Variants in HMBOX1 observed in about 807,000 individuals in gnomAD.
HMBOX1 encodes the protein homeobox containing 1.
HMBOX1 carries 14 observed loss-of-function variants against 54.5 expected under a neutral mutation model. That is an observed-to-expected ratio of 0.26 (90% confidence interval 0.17 to 0.40). The LOEUF (loss-of-function observed/expected upper bound fraction) is 0.40. Among genes scored for constraint, HMBOX1 ranks in the 10% least tolerant of loss-of-function variants. The pLI is 1.00. For synonymous variants in HMBOX1, 160 were observed against 181.0 expected (o/e 0.88, Z 0.93); for missense variants, 332 against 514.4 (o/e 0.65, Z 3.43).
chr8:29,020,294 G>C (rs1800965069), intron 6 of HMBOX1, among the ~76,000 whole-genome samples: 1 of 152,108 alleles, frequency 6.6e-6, no homozygotes, highest in Admixed American at 6.5e-5. Flanking sequence ...GACTTAGCCA[G>C]TTAGTTTTTT....
chr8:29,002,096 T>A (rs1181875024), intron 4 of HMBOX1, among the ~76,000 whole-genome samples: 1 of 152,054 alleles, frequency 6.6e-6, no homozygotes, highest in African/African-American at 2.4e-5. Context: ...CTTAGATAGG[T>A]TGTTTTGGTT....
At chr8:29,006,246 G>A (rs1296799662) in intron 4 of HMBOX1, among the ~76,000 whole-genome samples, 1 of 152,074 alleles carries the variant, frequency 6.6e-6, no homozygotes, top group Non-Finnish European at 1.5e-5. Context: ...ACCCACCTCT[G>A]CCTCCCAAAG....
At chr8:28,961,360 A>C (rs973606302) in intron 1 of HMBOX1, among the ~76,000 whole-genome samples, 1 of 151,948 alleles carries the variant, frequency 6.6e-6, no homozygotes, top group East Asian at 1.9e-4. Context: ...TTAAATAATA[A>C]CTTCTCATTA....
At chr8:28,915,739 CCA>C (rs1202992721) in intron 1 of HMBOX1, 5 of 151,738 alleles carry the variant, frequency 3.3e-5, no homozygotes, top group African/African-American at 9.7e-5. Context: ...CATATTGATG[CCA>C]TACTTAGTGG....
chr8:28,952,361 G>A (rs1397580223), intron 1 of HMBOX1, among the ~76,000 whole-genome samples: 2 of 151,954 alleles, frequency 1.3e-5, no homozygotes, highest in African/African-American at 4.8e-5. Flanking sequence ...AGCCTCCCGA[G>A]TAGCTGGGAT....
At chr8:28,932,026 G>C (rs533179297) in intron 1 of HMBOX1, among the ~76,000 whole-genome samples, 2 of 152,264 alleles carry the variant, frequency 1.3e-5, no homozygotes, top group African/African-American at 4.8e-5. Context: ...TATAAGTCAG[G>C]GTTATGATAG....
intron 3 of HMBOX1, among the ~76,000 whole-genome samples, chr8:28,972,935 T>C (rs1221186552): frequency 6.6e-6 from 1 of 152,240 alleles, no homozygotes; most frequent in Non-Finnish European, 1.5e-5. Flanking sequence ...AGTATTTATG[T>C]ACTACCACTT....
intron 4 of HMBOX1, among the ~76,000 whole-genome samples, chr8:28,993,934 T>G (rs1202154629): frequency 6.6e-6 from 1 of 152,080 alleles, no homozygotes; most frequent in Non-Finnish European, 1.5e-5. Flanking sequence ...TTTGGGAGAC[T>G]GAGGTGGGCA....
Position 28,970,006 on chromosome 8 carries a change from T to C in HMBOX1, c.24-37T>C. ...ATAATATGTGCTTTGGTAGATACTG[T>C]CAATAAAGAGACTTCTTTTTATCTC... On this transcript the variant is annotated intron_variant, in intron 2 of 9. Coordinates refer to ENST00000287701, the MANE Select transcript of HMBOX1 (RefSeq NM_001135726.3). The surrounding 1 kb of genome is among the most constrained non-coding windows in gnomAD (Gnocchi z 4.3). The C allele has an allele frequency of 7.8e-7, 1 of 1,277,868 alleles. No homozygotes were observed. The highest frequency in any genetic ancestry group is 1.8e-5 in the Admixed American group (1 of 54,316). 79.2% of individuals were successfully genotyped at this position (1,277,868 alleles called of 1,614,324 possible). A position where few individuals can be genotyped will look rare whatever the true frequency, so the allele number is the denominator to read the frequency against.
At chr8:28,938,115 A>G (rs1481178550) in intron 1 of HMBOX1, among the ~76,000 whole-genome samples, 4 of 152,236 alleles carry the variant, frequency 2.6e-5, no homozygotes. Context: ...CATGTTTCAG[A>G]TAACAGACTT....
At chr8:28,990,179 C>T (rs1830778409) in intron 4 of HMBOX1, among the ~76,000 whole-genome samples, 1 of 152,078 alleles carries the variant, frequency 6.6e-6, no homozygotes, top group South Asian at 2.1e-4. Context: ...TTTCTTTCTT[C>T]TTTTTCCCCT....
Position 28,969,463 on chromosome 8 carries a change from A to T in HMBOX1, c.24-580A>T, listed in dbSNP as rs952839436. Among the ~76,000 whole-genome samples the T allele has an allele frequency of 6.8e-5, 10 of 146,772 alleles. 1 individual carries two copies. Among genetic ancestry groups the T allele is most frequent in the Admixed American group, 3.4e-4 (5 of 14,738 alleles). ...CTAAGTAGTGAATGAAATGGTGCTTATTTTTTTTTTTAATGTACCTCTGTT... is the reference window on the plus strand; with the variant it reads ...CTAAGTAGTGAATGAAATGGTGCTTTTTTTTTTTTTTAATGTACCTCTGTT... On this transcript the variant is annotated intron_variant, in intron 2 of 9. Transcript: ENST00000287701.
chr8:28,947,963 G>A (rs1822776990), intron 1 of HMBOX1, among the ~76,000 whole-genome samples: 1 of 151,952 alleles, frequency 6.6e-6, no homozygotes, highest in Non-Finnish European at 1.5e-5. Flanking sequence ...TTGCTCCTTT[G>A]CCCAGACTGG....
chr8:29,037,884 C>G (rs1347052575), intron 6 of HMBOX1, among the ~76,000 whole-genome samples: 1 of 152,214 alleles, frequency 6.6e-6, no homozygotes, highest in East Asian at 1.9e-4. Context: ...CCTTTCCTGC[C>G]CACTGCCCAG....
intron 4 of HMBOX1, among the ~76,000 whole-genome samples, chr8:28,985,115 A>G (rs1349387077): frequency 6.6e-6 from 1 of 152,208 alleles, no homozygotes; most frequent in East Asian, 1.9e-4. Flanking sequence ...TCTTAGTTCC[A>G]TTTGAGCTGG....
intron 1 of HMBOX1, among the ~76,000 whole-genome samples, chr8:28,892,788 G>C (rs1211863420): frequency 1.3e-5 from 2 of 152,086 alleles, no homozygotes; most frequent in Non-Finnish European, 2.9e-5. Context: ...ACAATATGTT[G>C]ATTCAAAACT....
Position 28,924,334 on chromosome 8 carries a change from C to T in HMBOX1, c.-58+33656C>T, listed in dbSNP as rs1294697290. The stretch of plus-strand genomic sequence containing the variant: ...CCATGTTAGCCAGGATGGTCTCGAT[C>T]TCCTGACCTCGTGATCTGCCCCCTC... On this transcript the variant is annotated intron_variant, in intron 1 of 9. Coordinates refer to ENST00000287701, the MANE Select transcript of HMBOX1 (RefSeq NM_001135726.3). Among the ~76,000 whole-genome samples, 18 of 152,072 alleles carry T rather than the reference C, an allele frequency of 1.2e-4. No homozygotes were observed. The South Asian group carries it at 3.5e-3, about 30-fold the overall frequency.
intron 1 of HMBOX1, among the ~76,000 whole-genome samples, chr8:28,957,561 T>G (rs942790018): frequency 6.1e-5 from 4 of 65,910 alleles, no homozygotes; most frequent in Admixed American, 5.6e-4. Context: ...GAGTCTAAAA[T>G]AAAAGTTGAA....
chr8:29,048,712 A>G (rs1428768255), intron 8 of HMBOX1: 2 of 415,166 alleles, frequency 4.8e-6, no homozygotes, highest in African/African-American at 3.9e-5. Flanking sequence ...GTTAGCAAGT[A>G]TTTATGAAGC....
Sources: allele counts gnomAD v4.1 joint callset (sites outside exome capture counted in the v4.1 genomes callset), GRCh38; gene constraint gnomAD v4.1.1; non-coding constraint Gnocchi (gnomAD v3.1); transcripts MANE v1.5; gene names NCBI Gene and HGNC (gene_info 2026-07-23, HGNC 2026-07-21).